The following UVRAG variants were observed in gnomAD, a reference collection of about 807,000 sequenced individuals.
The protein encoded by UVRAG is UV radiation resistance associated.
In UVRAG, 19 loss-of-function variants were observed where a neutral mutation model predicts 78.0. That is an observed-to-expected ratio of 0.24 (90% CI 0.17 to 0.36). UVRAG has a LOEUF of 0.36. Ranked by LOEUF, UVRAG falls within the 10% of genes least tolerant of loss-of-function variation. UVRAG has a pLI of 1.00. For missense variants in UVRAG, 740 were observed against 853.8 expected, an observed-to-expected ratio of 0.87 and a Z score of 1.66; for synonymous variants, 323 against 324.6, an observed-to-expected ratio of 1.00 and a Z score of 0.05.
intron 12 of UVRAG, among the ~76,000 whole-genome samples, chr11:76,031,507 G>C (rs1257884768): frequency 6.6e-6 from 1 of 152,154 alleles, no homozygotes; most frequent in African/African-American, 2.4e-5. Context: ...TTATAGTGCT[G>C]ATGTTATTAT....
chr11:75,941,960 G>C (rs569941953), intron 6 of UVRAG, among the ~76,000 whole-genome samples: 1 of 152,210 alleles, frequency 6.6e-6, no homozygotes, highest in South Asian at 2.1e-4. Context: ...GCTAAAGCTT[G>C]ATCCTAAAAG....
chr11:75,820,564 A>C (rs1945365163), intron 1 of UVRAG, among the ~76,000 whole-genome samples: 1 of 152,270 alleles, frequency 6.6e-6, no homozygotes, highest in African/African-American at 2.4e-5. Context: ...CATGTTGGCC[A>C]GGCTGGTCTT....
At chr11:76,110,263 G>A (rs1302469609) in intron 13 of UVRAG, among the ~76,000 whole-genome samples, 1 of 147,068 alleles carries the variant, frequency 6.8e-6, no homozygotes. Context: ...ATTTTATATT[G>A]AGCACTTATG....
intron 3 of UVRAG, among the ~76,000 whole-genome samples, chr11:75,876,695 G>GAA (rs71036069): frequency 0.011 from 1,560 of 145,922 alleles, 9 homozygotes; most frequent in Middle Eastern, 0.017. Context: ...CTTTGGTCAG[G>GAA]AAAAAAAAAA....
chr11:75,950,011 C>T (rs998660584), intron 6 of UVRAG, among the ~76,000 whole-genome samples: 41 of 152,170 alleles, frequency 2.7e-4, no homozygotes, highest in Non-Finnish European at 4.6e-4. Context: ...ACGGGGCACT[C>T]TTTTGGTTTC....
chr11:76,135,451 T>C (rs1291439545), intron 14 of UVRAG, among the ~76,000 whole-genome samples: 1 of 152,208 alleles, frequency 6.6e-6, no homozygotes, highest in Admixed American at 6.5e-5. Context: ...TCCAGGCCAG[T>C]TGGCTTCTCC....
At chr11:76,050,359 C>T (rs1391094210) in intron 12 of UVRAG, among the ~76,000 whole-genome samples, 1 of 152,150 alleles carries the variant, frequency 6.6e-6, no homozygotes, top group East Asian at 1.9e-4. Context: ...CTATATGTTA[C>T]TTAGTTCTCC....
intron 14 of UVRAG, among the ~76,000 whole-genome samples, chr11:76,131,043 ATC>A (rs1431796706): frequency 6.6e-6 from 1 of 151,194 alleles, no homozygotes; most frequent in East Asian, 1.9e-4. Flanking sequence ...CATTCCTGGC[ATC>A]TCTTTCCTGT....
chr11:75,835,781 A>G (rs957761559), intron 1 of UVRAG, among the ~76,000 whole-genome samples: 16 of 152,208 alleles, frequency 1.1e-4, no homozygotes, highest in African/African-American at 3.9e-4. Flanking sequence ...AAAGTATAAC[A>G]GATCTCTGAA....
chr11:75,868,242 A>G (rs1946576892), intron 3 of UVRAG, among the ~76,000 whole-genome samples: 1 of 152,238 alleles, frequency 6.6e-6, no homozygotes, highest in South Asian at 2.1e-4. Flanking sequence ...GAATACTGTT[A>G]CGGGACAAGA....
At position 76,045,221 on chromosome 11, in the gene UVRAG, T is replaced by C. The variant is rs17810716; in HGVS notation, c.1227-20489T>C. Reference sequence around the variant, plus strand: ...GTGCCAGCTGAAAAAAGGAATTGATTGTACATATAAGAACGTGGAAAACTG... The same window carrying C: ...GTGCCAGCTGAAAAAAGGAATTGATCGTACATATAAGAACGTGGAAAACTG... On this transcript the variant is annotated intron_variant, in intron 12 of 14. Coordinates refer to ENST00000356136, the MANE Select transcript of UVRAG (RefSeq NM_003369.4). Among the ~76,000 whole-genome samples the C allele has an allele frequency of 9.8e-3, 1,494 of 152,294 alleles. 20 individuals carry two copies. Among genetic ancestry groups the C allele is most frequent in the Non-Finnish European group, 0.015 (1,006 of 68,020 alleles).
Position 75,888,832 on chromosome 11 carries a change from C to T in UVRAG, c.436C>T (p.His146Tyr). 1 of 1,613,054 alleles carries T rather than the reference C, an allele frequency of 6.2e-7. No homozygotes were observed. Among genetic ancestry groups the T allele is most frequent in the Non-Finnish European group, 8.5e-7 (1 of 1,179,482 alleles). ...CTGTATTTTCCTCCTCTCTTAGATT[C>T]ATGCCCGAAACCAAAATGAAATAAT... is the stretch of plus-strand genomic sequence containing the variant. ...DGLKYLGQQI[H>Y]ARNQNEIIFG... is the part of the protein sequence containing the mutation. Residue 146 changes from histidine to tyrosine, a missense_variant, in exon 5 of 15, where the codon CAT (histidine) becomes TAT (tyrosine). Coordinates refer to ENST00000356136, the MANE Select transcript of UVRAG (RefSeq NM_003369.4).
At chr11:76,126,157 G>A (rs1274521424) in intron 14 of UVRAG, among the ~76,000 whole-genome samples, 1 of 151,900 alleles carries the variant, frequency 6.6e-6, no homozygotes, top group African/African-American at 2.4e-5. Context: ...TAGCCAGGAT[G>A]GTCTCGATCT....
At chr11:75,906,732 T>C (rs1015283671) in intron 5 of UVRAG, among the ~76,000 whole-genome samples, 2 of 152,240 alleles carry the variant, frequency 1.3e-5, no homozygotes, top group Non-Finnish European at 2.9e-5. Context: ...AACTTCATTC[T>C]TTTAAAAGTG....
At chr11:76,110,608 T>C (rs1952052084) in intron 13 of UVRAG, among the ~76,000 whole-genome samples, 1 of 151,926 alleles carries the variant, frequency 6.6e-6, no homozygotes, top group African/African-American at 2.4e-5. Flanking sequence ...TGGGGAGGAG[T>C]TTAGGGTCAA....
intron 7 of UVRAG, 88 bp from the exon 8 acceptor site, chr11:75,983,299 T>A (rs1482769705): frequency 1.6e-6 from 2 of 1,218,560 alleles, no homozygotes; most frequent in African/African-American, 3.1e-5. Context: ...TTTTAAGCCA[T>A]TATTTATTTT....
At chr11:76,002,984 G>A (rs909821597) in intron 8 of UVRAG, among the ~76,000 whole-genome samples, 1 of 152,074 alleles carries the variant, frequency 6.6e-6, no homozygotes, top group Non-Finnish European at 1.5e-5. Flanking sequence ...GGCTGAGGCA[G>A]GAGGATCACC....
At chr11:75,992,608 C>A (rs1271841662) in intron 8 of UVRAG, among the ~76,000 whole-genome samples, 2 of 152,088 alleles carry the variant, frequency 1.3e-5, no homozygotes, top group East Asian at 3.9e-4. Flanking sequence ...TGGCTGGATA[C>A]AGATAACCAC....
rs528135745 is a variant in UVRAG, at chr11:76,008,056, C to T, written c.999+435C>T. 1.4e-4 allele frequency among the ~76,000 whole-genome samples: 22 copies of T among 152,066 alleles called. No homozygotes were observed. In the South Asian group the frequency reaches 3.7e-3, roughly 26 times the overall value. The stretch of plus-strand genomic sequence containing the variant: ...CCGAGTAGCTGGGACTGCAGGCGCC[C>T]GCCACCACGATGCCTGGCTAATTTT... On this transcript the variant is annotated intron_variant, in intron 10 of 14. Coordinates refer to ENST00000356136, the MANE Select transcript of UVRAG (RefSeq NM_003369.4).
Sources: gnomAD v4.1 joint callset for allele counts (sites outside exome capture counted in the v4.1 genomes callset) on GRCh38, gnomAD v4.1.1 for gene constraint, MANE v1.5 for transcripts, NCBI Gene and HGNC (gene_info 2026-07-23, HGNC 2026-07-21) for gene names.